CNTNAP4: variants seen among roughly 807,000 people sequenced by gnomAD.
CNTNAP4 encodes contactin associated protein family member 4.
Under a neutral mutation model 148.4 loss-of-function variants are expected in CNTNAP4, and 98 were observed. That is an observed-to-expected ratio of 0.66 (90% CI 0.56 to 0.78). The LOEUF (loss-of-function observed/expected upper bound fraction) is 0.78. Ranked by LOEUF, CNTNAP4 falls within the 30% of genes least tolerant of loss-of-function variation. The pLI is 0.00. For missense variants in CNTNAP4, 1,935 were observed against 1,565.6 expected, an observed-to-expected ratio of 1.24 and a Z score of -3.98; for synonymous variants, 730 against 565.1, an observed-to-expected ratio of 1.29 and a Z score of -4.14.
At chr16:76,369,936 G>C (rs1244122163) in intron 3 of CNTNAP4, among the ~76,000 whole-genome samples, 5 of 152,088 alleles carry the variant, frequency 3.3e-5, no homozygotes, top group Non-Finnish European at 7.4e-5. Flanking sequence ...GATTATATCT[G>C]CCTACAATGG....
At position 76,502,798 on chromosome 16, in the gene CNTNAP4, CT is replaced by C. The variant is rs1008216813; in HGVS notation, c.2365+4115del. On this transcript the variant is annotated intron_variant, in intron 15 of 23. Coordinates refer to ENST00000611870, the MANE Select transcript of CNTNAP4 (RefSeq NM_033401.5). The stretch of plus-strand genomic sequence containing the variant: ...CATTCATTGAGACAGGAGATTAACA[CT>C]TTTTTTTTTTAACAGAAAAAAAAGT... Among the ~76,000 whole-genome samples, 1,149 of 145,186 alleles carry C rather than the reference CT, an allele frequency of 7.9e-3. 6 individuals are homozygous for C. Among genetic ancestry groups the C allele is most frequent in the African/African-American group, 0.018 (719 of 39,646 alleles).
intron 3 of CNTNAP4, among the ~76,000 whole-genome samples, chr16:76,357,721 A>G (rs180843439): frequency 6.6e-6 from 1 of 152,150 alleles, no homozygotes; most frequent in East Asian, 1.9e-4. Context: ...CTTGTAGAAT[A>G]CTCTTCTGAT....
At chr16:76,417,922 T>C (rs955849224) in intron 3 of CNTNAP4, among the ~76,000 whole-genome samples, 4 of 151,764 alleles carry the variant, frequency 2.6e-5, no homozygotes, top group Admixed American at 2.0e-4. Context: ...TTTACTCCTC[T>C]CTTTGCTTGC....
At chr16:76,537,090 G>C (rs766796866) in intron 18 of CNTNAP4, among the ~76,000 whole-genome samples, 3 of 151,998 alleles carry the variant, frequency 2.0e-5, no homozygotes, top group African/African-American at 7.2e-5. Context: ...ACCATTCTAG[G>C]ACACTTTTCA....
At chr16:76,470,498 A>ATATAT in intron 10 of CNTNAP4, among the ~76,000 whole-genome samples, 1 of 32,542 alleles carries the variant, frequency 3.1e-5, no homozygotes, top group East Asian at 9.2e-4. Context: ...TATATATATA[A>ATATAT]AATTAGTCGG....
intron 6 of CNTNAP4, 111 bp downstream of exon 6, chr16:76,449,062 G>T: frequency 9.8e-7 from 1 of 1,017,602 alleles, no homozygotes; most frequent in South Asian, 1.5e-5. Context: ...TCATAGAACA[G>T]GTGAAGCATT....
In CNTNAP4 at chr16:76,558,771, A is replaced by C; in HGVS notation, c.*88A>C. On this transcript the variant is annotated 3_prime_UTR_variant, in exon 24 of 24. Coordinates refer to ENST00000611870, the MANE Select transcript of CNTNAP4 (RefSeq NM_033401.5). ...GGAAAAACGAATGCTCTTACACTGA[A>C]TGTACAGGCAGTGGGCTTGCAGCAC... The C allele has an allele frequency of 2.0e-6, 2 of 994,082 alleles. No individual in the cohort carries two copies. The highest frequency in any genetic ancestry group is 2.9e-6 in the Non-Finnish European group (2 of 686,036). The allele number at this position is 994,082 out of a possible 1,614,324, so 61.6% of individuals were successfully genotyped here. A position where few individuals can be genotyped will look rare whatever the true frequency, so the allele number is the denominator to read the frequency against.
At chr16:76,347,634 T>C (rs1965018186) in intron 2 of CNTNAP4, among the ~76,000 whole-genome samples, 2 of 152,078 alleles carry the variant, frequency 1.3e-5, no homozygotes, top group African/African-American at 4.8e-5. Flanking sequence ...CAGGGTAATA[T>C]TCGAGCAAGA....
chr16:76,498,602 A>G lies in CNTNAP4; in HGVS notation c.2273A>G (p.His758Arg), dbSNP rs1379918093. The change falls in exon 15 of 24, where the codon CAT becomes CGT. Residue 758 changes from histidine (H) to arginine (R), a missense_variant. Coordinates refer to ENST00000611870, the MANE Select transcript of CNTNAP4 (RefSeq NM_033401.5). ...ACTGGATTGCTTGCTTATAAAGAAC[A>G]TCTTCCAGTAACTAAGATCGTGATT... The part of the protein sequence containing the change: ...NDTGLLAYKE[H>R]LPVTKIVITD... The G allele has an allele frequency of 1.2e-5, 19 of 1,612,546 alleles. No homozygotes were observed. The highest frequency in any genetic ancestry group is 1.6e-5 in the Non-Finnish European group (19 of 1,179,246).
chr16:76,476,167 C>A (rs1597667950), intron 11 of CNTNAP4, 122 bp downstream of exon 11: 2 of 605,486 alleles, frequency 3.3e-6, no homozygotes, highest in Non-Finnish European at 5.8e-6. Context: ...GGTTAATCCA[C>A]ATCTCATTTC....
intron 21 of CNTNAP4, among the ~76,000 whole-genome samples, chr16:76,543,864 C>T (rs748518736): frequency 6.6e-6 from 1 of 152,174 alleles, no homozygotes; most frequent in Non-Finnish European, 1.5e-5. Context: ...CTTTGAGGCA[C>T]ATTCTCACGT....
intron 3 of CNTNAP4, among the ~76,000 whole-genome samples, chr16:76,364,671 C>T (rs1284049197): frequency 6.6e-6 from 1 of 152,110 alleles, no homozygotes; most frequent in African/African-American, 2.4e-5. Context: ...CAGTTCTGTT[C>T]CTTTGAAGTG....
intron 2 of CNTNAP4, among the ~76,000 whole-genome samples, chr16:76,342,607 G>T (rs201420715): frequency 1.3e-5 from 2 of 151,382 alleles, no homozygotes; most frequent in African/African-American, 2.4e-5. Context: ...CAAGCAGCTG[G>T]GACTACAGGC....
chr16:76,303,894 G>A (rs1046965434), intron 1 of CNTNAP4, among the ~76,000 whole-genome samples: 2 of 152,030 alleles, frequency 1.3e-5, no homozygotes, highest in African/African-American at 2.4e-5. Flanking sequence ...ATAGCCATGT[G>A]GTTACGAATG....
At chr16:76,468,757 C>G (rs1196865229) in intron 10 of CNTNAP4, among the ~76,000 whole-genome samples, 1 of 151,976 alleles carries the variant, frequency 6.6e-6, no homozygotes, top group African/African-American at 2.4e-5. Flanking sequence ...CTGTGCCCAG[C>G]CAAAAATAAT....
At chr16:76,519,675 C>T (rs2144087502) in intron 15 of CNTNAP4, among the ~76,000 whole-genome samples, 1 of 152,148 alleles carries the variant, frequency 6.6e-6, no homozygotes, top group Admixed American at 6.5e-5. Flanking sequence ...CCTAGAGATC[C>T]AAAGGTCTAG....
chr16:76,431,548 G>A (rs918583208), intron 4 of CNTNAP4, among the ~76,000 whole-genome samples: 34 of 152,210 alleles, frequency 2.2e-4, no homozygotes, highest in South Asian at 2.1e-4. Flanking sequence ...GCGTGGCAGC[G>A]CACGCCTGTA....
At chr16:76,316,369 C>A (rs1384536866) in intron 1 of CNTNAP4, 44 bp from the exon 2 acceptor site, 1 of 1,302,394 alleles carries the variant, frequency 7.7e-7, no homozygotes, top group East Asian at 2.3e-5. Context: ...CCACGAAAGC[C>A]TCAGCACTAA....
chr16:76,514,074 C>T (rs1568462288), intron 15 of CNTNAP4, among the ~76,000 whole-genome samples: 1 of 152,088 alleles, frequency 6.6e-6, no homozygotes. Flanking sequence ...AATATGTTCT[C>T]CTTTTATATT....
Sources: allele counts gnomAD v4.1 joint callset (sites outside exome capture counted in the v4.1 genomes callset), GRCh38; gene constraint gnomAD v4.1.1; transcripts MANE v1.5; gene names NCBI Gene and HGNC (gene_info 2026-07-23, HGNC 2026-07-21).